Variants in KAZN observed in about 807,000 individuals in gnomAD.
The protein encoded by KAZN is kazrin, periplakin interacting protein, also known as kazrin.
A neutral mutation model predicts 87.4 loss-of-function variants in KAZN; 40 were observed. The observed-to-expected ratio is 0.46, with a 90% confidence interval of 0.36 to 0.60. The LOEUF (loss-of-function observed/expected upper bound fraction) is 0.60. KAZN is among the 20% of genes least tolerant of loss of function. The probability of loss-of-function intolerance (pLI) is 0.00; values close to 1 mark genes in which losing one functional copy is unlikely to be tolerated. For synonymous variants in KAZN, 466 were observed against 458.3 expected, an observed-to-expected ratio of 1.02 and a Z score of -0.22; for missense variants, 898 against 1,073.9, an observed-to-expected ratio of 0.84 and a Z score of 2.29.
chr1:14,127,254 T>C (rs1291732200), intron 1 of KAZN, among the ~76,000 whole-genome samples: 3 of 152,184 alleles, frequency 2.0e-5, no homozygotes, highest in African/African-American at 7.2e-5. Flanking sequence ...TGTTTCACAA[T>C]GAAGGCTGCA....
chr1:14,472,967 G>T lies in KAZN; in HGVS notation c.250-126016G>T, dbSNP rs184738193. Reference sequence around the variant, plus strand: ...GTAAATTGCCTGGAATAATTATTTAGTATGTTCCAGAGATAAATACACCTT... The same window carrying T: ...GTAAATTGCCTGGAATAATTATTTATTATGTTCCAGAGATAAATACACCTT... On this transcript the variant is annotated intron_variant, in intron 2 of 16. Transcript: ENST00000636203. 1.7e-4 allele frequency among the ~76,000 whole-genome samples: 26 copies of T among 152,214 alleles called. No homozygotes were observed. The East Asian group carries it at 5.0e-3, about 30-fold the overall frequency.
At chr1:14,833,628 A>AGGCAGC (rs1439745124) in intron 1 of KAZN, among the ~76,000 whole-genome samples, 1 of 152,044 alleles carries the variant, frequency 6.6e-6, no homozygotes, top group African/African-American at 2.4e-5. Flanking sequence ...GGTGATTGTG[A>AGGCAGC]GGCAGCCCCT....
At chr1:14,727,437 T>G in intron 1 of KAZN, among the ~76,000 whole-genome samples, 1 of 143,088 alleles carries the variant, frequency 7.0e-6, no homozygotes, top group Non-Finnish European at 1.5e-5. Context: ...CCATCACATT[T>G]ATTGTGCACT....
intron 2 of KAZN, among the ~76,000 whole-genome samples, chr1:14,296,960 C>G (rs1654169807): frequency 6.6e-6 from 1 of 152,058 alleles, no homozygotes; most frequent in Admixed American, 6.6e-5. Flanking sequence ...GCACAAAGAA[C>G]AGCACAGTTC....
rs980099942 is a variant in KAZN at position 14,774,634 on chromosome 1, C to G, written c.226+175411C>G. Among the ~76,000 whole-genome samples, 4 of 152,128 alleles carry G rather than the reference C, an allele frequency of 2.6e-5. No homozygotes were observed. The East Asian group carries it at 5.8e-4, about 22-fold the overall frequency. ...TACAGGCATGCATCACCACACCTGG[C>G]TAATTTTTTGTTAACATTTTAAAAT... On this transcript the variant is annotated intron_variant, in intron 1 of 14. Coordinates refer to ENST00000376030, the MANE Select transcript of KAZN (RefSeq NM_201628.3).
chr1:15,004,804 T>G (rs1326967636), intron 2 of KAZN, among the ~76,000 whole-genome samples: 1 of 149,668 alleles, frequency 6.7e-6, no homozygotes, highest in East Asian at 2.1e-4. Flanking sequence ...CACTTATTAA[T>G]AGATATCATG....
chr1:14,383,802 C>T (rs958400433), intron 2 of KAZN, among the ~76,000 whole-genome samples: 1 of 152,034 alleles, frequency 6.6e-6, no homozygotes, highest in Admixed American at 6.6e-5. Flanking sequence ...TATATGGGCT[C>T]TTTTTTGATT....
chr1:14,377,456 G>T (rs181253207), intron 2 of KAZN, among the ~76,000 whole-genome samples: 6 of 152,166 alleles, frequency 3.9e-5, no homozygotes, highest in Non-Finnish European at 8.8e-5. Flanking sequence ...AGTAGAAAAC[G>T]TAAGAAATAG....
At chr1:14,433,178 C>T (rs949690865) in intron 2 of KAZN, among the ~76,000 whole-genome samples, 10 of 152,106 alleles carry the variant, frequency 6.6e-5, no homozygotes, top group Non-Finnish European at 1.5e-4. Context: ...ACACCTGTGA[C>T]GCCACTCCTG....
At chr1:15,106,705 C>G (rs1299384949) in intron 13 of KAZN, among the ~76,000 whole-genome samples, 1 of 152,132 alleles carries the variant, frequency 6.6e-6, no homozygotes, top group Admixed American at 6.5e-5. Flanking sequence ...CCCAATATGA[C>G]GTCATCTCTA....
chr1:14,590,372 T>C (rs1676121382), intron 2 of KAZN, among the ~76,000 whole-genome samples: 1 of 152,046 alleles, frequency 6.6e-6, no homozygotes, highest in African/African-American at 2.4e-5. Context: ...TGAAGGGGAT[T>C]GGGTTGGAAG....
rs540438176 is a variant in KAZN at position 15,116,702 on chromosome 1, C to T, written c.*2067C>T. ...GCCGTTTGGGAGGCAGCAACAGCAA[C>T]GTGCCCAGGCAGGCAGTTATTCCCA... On this transcript the variant is annotated 3_prime_UTR_variant, in exon 15 of 15. Transcript: ENST00000376030. 4 of 152,344 alleles carry T rather than the reference C, an allele frequency of 2.6e-5. No homozygotes were observed. The highest frequency in any genetic ancestry group is 4.1e-4 in the South Asian group (2 of 4,828). The allele number at this position is 152,344 out of a possible 1,614,324, so 9.4% of individuals were successfully genotyped here. A position where few individuals can be genotyped will look rare whatever the true frequency, so the allele number is the denominator to read the frequency against.
intron 1 of KAZN, among the ~76,000 whole-genome samples, chr1:14,029,455 C>T (rs2101319128): frequency 1.0e-5 from 1 of 100,046 alleles, no homozygotes; most frequent in Non-Finnish European, 2.0e-5. Context: ...GTTTCTTTTG[C>T]TGTGCAGAAG....
At chr1:14,216,762 G>A (rs1646964873) in intron 2 of KAZN, among the ~76,000 whole-genome samples, 2 of 152,022 alleles carry the variant, frequency 1.3e-5, no homozygotes, top group Admixed American at 6.6e-5. Context: ...AGATTAGCTG[G>A]GAGTGGTGGT....
chr1:14,540,395 C>T (rs1290805614), intron 2 of KAZN, among the ~76,000 whole-genome samples: 5 of 152,136 alleles, frequency 3.3e-5, no homozygotes, highest in African/African-American at 9.7e-5. Context: ...TGAGGCCCCG[C>T]GGGGTTAAGC....
intron 1 of KAZN, among the ~76,000 whole-genome samples, chr1:14,018,693 G>T (rs931801714): frequency 1.3e-5 from 2 of 152,156 alleles, no homozygotes; most frequent in African/African-American, 4.8e-5. Flanking sequence ...GCAGAGGAAA[G>T]ATGATTTTCT....
chr1:14,002,580 G>T (rs1156272507), intron 1 of KAZN, among the ~76,000 whole-genome samples: 1 of 152,176 alleles, frequency 6.6e-6, no homozygotes, highest in Non-Finnish European at 1.5e-5. Flanking sequence ...GGTTTTGGGT[G>T]CGTCTTTATC....
chr1:14,270,979 G>A (rs753439814), intron 2 of KAZN, among the ~76,000 whole-genome samples: 6 of 152,162 alleles, frequency 3.9e-5, no homozygotes, highest in Admixed American at 1.3e-4. Flanking sequence ...TACAGTGTCC[G>A]TTTGCTCCGG....
chr1:14,464,398 C>T (rs1668005899), intron 2 of KAZN, among the ~76,000 whole-genome samples: 2 of 152,156 alleles, frequency 1.3e-5, no homozygotes, highest in Admixed American at 6.5e-5. Context: ...AATAATTGGC[C>T]TTTCTCTCCA....
Sources: allele counts gnomAD v4.1 joint callset (sites outside exome capture counted in the v4.1 genomes callset), GRCh38; gene constraint gnomAD v4.1.1; transcripts MANE v1.5; gene names NCBI Gene and HGNC (gene_info 2026-07-23, HGNC 2026-07-21).